Variants in HDLBP observed in about 807,000 individuals in gnomAD.
The protein encoded by HDLBP is high density lipoprotein binding protein.
HDLBP carries 30 observed loss-of-function variants against 137.3 expected under a neutral mutation model. The observed-to-expected ratio is 0.22, with a 90% confidence interval of 0.16 to 0.30. The LOEUF (loss-of-function observed/expected upper bound fraction) is 0.30, where lower values mean the gene tolerates loss of function less well. Ranked by LOEUF, HDLBP falls within the 10% of genes least tolerant of loss-of-function variation. HDLBP has a pLI of 1.00. For synonymous variants in HDLBP, 606 were observed against 596.0 expected (o/e 1.02, Z -0.24); for missense variants, 1,119 against 1,667.3 (o/e 0.67, Z 5.73).
chr2:241,287,397 G>A (rs890098954), intron 1 of HDLBP, among the ~76,000 whole-genome samples: 8 of 150,564 alleles, frequency 5.3e-5, no homozygotes, highest in Non-Finnish European at 7.4e-5. Flanking sequence ...ATAAGCCACC[G>A]CGCCCGGCCT....
At chr2:241,313,925 TGATAA>T (rs1482233530) in intron 1 of HDLBP, among the ~76,000 whole-genome samples, 1 of 152,196 alleles carries the variant, frequency 6.6e-6, no homozygotes, top group Non-Finnish European at 1.5e-5. Context: ...ATTTGACTCC[TGATAA>T]GATGAGCTAA....
intron 16 of HDLBP, among the ~76,000 whole-genome samples, chr2:241,244,942 T>C (rs1383452548): frequency 6.6e-6 from 1 of 152,098 alleles, no homozygotes; most frequent in Non-Finnish European, 1.5e-5. Context: ...TGTAAGATGA[T>C]GGAAATGCTC....
Position 241,272,602 on chromosome 2 carries a change from G to C in HDLBP, c.-102-4061C>G. The C allele has an allele frequency of 1.0e-6, 1 of 982,666 alleles. No homozygotes were observed. The allele number at this position is 982,666 out of a possible 1,614,324, so 60.9% of individuals were successfully genotyped here. A position where few individuals can be genotyped will look rare whatever the true frequency, so the allele number is the denominator to read the frequency against. ...GCGGTAAGCAGGACACCCGCGGGCG[G>C]GGGCCGCAGCCTGGGGCCCGGGTGG... On this transcript the variant is annotated intron_variant, in intron 1 of 27. Coordinates refer to ENST00000310931, the MANE Select transcript of HDLBP (RefSeq NM_005336.6). This position sits in a 1 kb window ranked among gnomAD's most constrained non-coding sequence, Gnocchi z 5.6.
intron 1 of HDLBP, among the ~76,000 whole-genome samples, chr2:241,298,065 AAAAAAAAAAAAAAAAAAG>A (rs1485705609): frequency 2.1e-5 from 3 of 143,154 alleles, no homozygotes; most frequent in Admixed American, 7.1e-5. Context: ...AAAAAAAAAA[AAAAAAAAAAAAAAAAAAG>A]GGCCAGGCAT....
At chr2:241,302,088 CAA>C (rs35141608) in intron 1 of HDLBP, among the ~76,000 whole-genome samples, 2,242 of 118,802 alleles carry the variant, frequency 0.019, 31 homozygotes, top group Middle Eastern at 0.034. Context: ...CCCATCTCTA[CAA>C]AAAAAAAAAA....
chr2:241,259,413 G>A (rs2072983721), intron 5 of HDLBP, among the ~76,000 whole-genome samples: 1 of 152,158 alleles, frequency 6.6e-6, no homozygotes, highest in Non-Finnish European at 1.5e-5. Context: ...TTTAAAAATT[G>A]ACAGTAAATG....
intron 1 of HDLBP, chr2:241,273,653 G>A: frequency 1.0e-6 from 1 of 985,340 alleles, no homozygotes; most frequent in Non-Finnish European, 1.2e-6. Context: ...CAGGTCAACA[G>A]AATCCTGCAT....
At position 241,266,831 on chromosome 2, in the gene HDLBP, A is replaced by G; in HGVS notation, c.39T>C (p.Ala13=). The G allele has an allele frequency of 6.2e-7, 1 of 1,614,046 alleles. No homozygotes were observed. The highest frequency in any genetic ancestry group is 8.5e-7 in the Non-Finnish European group (1 of 1,179,848). ...GCGGAACCAGCCCACTTCGGTGTTCAGCAAAACTCTCTTGGGTCAAAACTG... is the reference window on the plus strand; with the variant it reads ...GCGGAACCAGCCCACTTCGGTGTTCGGCAAAACTCTCTTGGGTCAAAACTG... The part of the protein sequence containing the change: ...SVAVLTQESF[A]EHRSGLVPQQ... Residue 13 remains alanine (A), a synonymous_variant, in exon 3 of 28, where the codon GCT becomes GCC. Coordinates refer to ENST00000310931, the MANE Select transcript of HDLBP (RefSeq NM_005336.6).
intron 27 of HDLBP, 49 bp downstream of exon 27, chr2:241,229,784 G>GGCCCCCCCC: frequency 6.7e-7 from 1 of 1,502,540 alleles, no homozygotes; most frequent in Non-Finnish European, 9.1e-7. Context: ...AAGCCCGCCT[G>GGCCCCCCCC]CCCGCCCACC....
intron 5 of HDLBP, among the ~76,000 whole-genome samples, chr2:241,260,992 A>C (rs2073114906): frequency 6.6e-6 from 1 of 151,900 alleles, no homozygotes; most frequent in Non-Finnish European, 1.5e-5. Flanking sequence ...GGGGTTTGAG[A>C]CCAGAGTGGG....
At chr2:241,312,707 A>G (rs927188795) in intron 1 of HDLBP, among the ~76,000 whole-genome samples, 5 of 152,260 alleles carry the variant, frequency 3.3e-5, no homozygotes, top group African/African-American at 1.2e-4. Context: ...TGGATGCACA[A>G]TGAACGGGCC....
intron 21 of HDLBP, among the ~76,000 whole-genome samples, chr2:241,235,917 G>A (rs1478373451): frequency 6.6e-6 from 1 of 152,082 alleles, no homozygotes; most frequent in Non-Finnish European, 1.5e-5. Flanking sequence ...TTTGACCGAT[G>A]CCCATGAGGT....
At chr2:241,232,816 C>CA (rs546297722) in intron 24 of HDLBP, among the ~76,000 whole-genome samples, 11 of 151,068 alleles carry the variant, frequency 7.3e-5, no homozygotes, top group African/African-American at 1.7e-4. Context: ...CTATCTCTCT[C>CA]AAAAAAAAGA....
At chr2:241,274,920 G>A (rs1373159798) in intron 1 of HDLBP, among the ~76,000 whole-genome samples, 3 of 152,264 alleles carry the variant, frequency 2.0e-5, no homozygotes, top group Middle Eastern at 3.4e-3. Flanking sequence ...TAGGAGGTGA[G>A]AAGAGATACC....
intron 9 of HDLBP, among the ~76,000 whole-genome samples, chr2:241,254,341 A>G (rs2072446811): frequency 6.6e-6 from 1 of 152,214 alleles, no homozygotes; most frequent in Non-Finnish European, 1.5e-5. Context: ...AGTTTAAATA[A>G]AACAGGAATT....
rs921544592 is a variant in HDLBP at position 241,280,220 on chromosome 2, A to G, written c.-102-11679T>C. 8 of 633,058 alleles carry G rather than the reference A, an allele frequency of 1.3e-5. No individual in the cohort carries two copies. The African/African-American group carries it at 1.6e-4, about 13-fold the overall frequency. 39.2% of individuals were successfully genotyped at this position (633,058 alleles called of 1,614,324 possible). A position where few individuals can be genotyped will look rare whatever the true frequency, so the allele number is the denominator to read the frequency against. On this transcript the variant is annotated intron_variant, in intron 1 of 27. Transcript: ENST00000310931. ...GAAAATTTAAAATTATATGTGGCTC[A>G]TATTACATTTTTATTAGCACAAACT...
intron 1 of HDLBP, among the ~76,000 whole-genome samples, chr2:241,289,319 G>A (rs2074933713): frequency 6.6e-6 from 1 of 152,124 alleles, no homozygotes; most frequent in Non-Finnish European, 1.5e-5. Context: ...ATCTCTCCAG[G>A]TACTCTCTTC....
intron 12 of HDLBP, 133 bp downstream of exon 12, chr2:241,249,708 T>C (rs1271816582): frequency 5.7e-5 from 48 of 836,096 alleles, no homozygotes; most frequent in Non-Finnish European, 8.4e-5. Flanking sequence ...GGGAGTCCAA[T>C]CCGGTTCCAG....
intron 1 of HDLBP, among the ~76,000 whole-genome samples, chr2:241,304,486 G>T (rs981957223): frequency 5.9e-5 from 9 of 152,340 alleles, no homozygotes; most frequent in South Asian, 2.1e-4. Flanking sequence ...AGATGGACTT[G>T]GTCCCAGTGC....
Sources: allele counts gnomAD v4.1 joint callset (sites outside exome capture counted in the v4.1 genomes callset), GRCh38; gene constraint gnomAD v4.1.1; non-coding constraint Gnocchi (gnomAD v3.1); transcripts MANE v1.5; gene names NCBI Gene and HGNC (gene_info 2026-07-23, HGNC 2026-07-21).